The following DEPTOR variants were observed in gnomAD, a reference collection of about 807,000 sequenced individuals.
The protein encoded by DEPTOR is DEP domain containing MTOR interacting protein, also known as DEP domain-containing mTOR-interacting protein.
In DEPTOR, 41 loss-of-function variants were observed where a neutral mutation model predicts 41.6. That is an observed-to-expected ratio of 0.98 (90% CI 0.77 to 1.28). The LOEUF (loss-of-function observed/expected upper bound fraction) is 1.28, where lower values mean the gene tolerates loss of function less well. Among genes scored for constraint, DEPTOR ranks in the 50% most tolerant of loss-of-function variants. The pLI is 0.00. For missense variants in DEPTOR, 514 were observed against 527.9 expected, an observed-to-expected ratio of 0.97 and a Z score of 0.26; for synonymous variants, 195 against 192.3, an observed-to-expected ratio of 1.01 and a Z score of -0.12.
At position 119,965,439 on chromosome 8, in the gene DEPTOR, G is replaced by A. The variant is rs558422721; in HGVS notation, c.604+29G>A. 137 of 1,600,028 alleles carry A rather than the reference G, an allele frequency of 8.6e-5. 2 individuals are homozygous for A. The South Asian group carries it at 1.4e-3, about 16-fold the overall frequency. ...AGCGTATTGGGCAGCTTTTGCTGCA[G>A]GAACAAACAGCCAGCCCCAAATCTT... On this transcript the variant is annotated intron_variant, in intron 4 of 8. Transcript: ENST00000286234.
Position 120,050,651 on chromosome 8 carries a change from A to G in DEPTOR, c.*947A>G, listed in dbSNP as rs1394669750. ...TTCTAGTGTAACATATTCTAAGGAC[A>G]TGACATGCTGCTTATTTGGGGGGAT... is the stretch of plus-strand genomic sequence containing the variant. On this transcript the variant is annotated 3_prime_UTR_variant, in exon 9 of 9. Transcript: ENST00000286234. The G allele has an allele frequency of 3.3e-5, 5 of 152,150 alleles. No homozygotes were observed. Among genetic ancestry groups the G allele is most frequent in the African/African-American group, 9.7e-5 (4 of 41,440 alleles). The allele number at this position is 152,150 out of a possible 1,614,324, so 9.4% of individuals were successfully genotyped here.
intron 8 of DEPTOR, 90 bp downstream of exon 8, chr8:120,009,223 A>T: frequency 8.8e-6 from 10 of 1,136,254 alleles, no homozygotes; most frequent in South Asian, 1.5e-5. Context: ...ATCCAAACCC[A>T]TCTTATTTTG....
chr8:120,035,147 G>A (rs1812961217), intron 8 of DEPTOR, among the ~76,000 whole-genome samples: 1 of 151,968 alleles, frequency 6.6e-6, no homozygotes, highest in Admixed American at 6.6e-5. Flanking sequence ...GCAAAACCCT[G>A]TCTCTACAAA....
At chr8:119,988,579 T>G (rs932662862) in intron 4 of DEPTOR, among the ~76,000 whole-genome samples, 1 of 152,066 alleles carries the variant, frequency 6.6e-6, no homozygotes, top group African/African-American at 2.4e-5. Context: ...GCCTCCTAGG[T>G]TCAAGTGATT....
chr8:119,910,004 G>T (rs1827717057), intron 1 of DEPTOR, among the ~76,000 whole-genome samples: 1 of 152,184 alleles, frequency 6.6e-6, no homozygotes, highest in Non-Finnish European at 1.5e-5. Flanking sequence ...CTTGGCTGTT[G>T]ATAATGGCTT....
chr8:119,932,213 G>C (rs1828053131), intron 3 of DEPTOR, among the ~76,000 whole-genome samples: 1 of 151,850 alleles, frequency 6.6e-6, no homozygotes, highest in Admixed American at 6.6e-5. Context: ...TCAAACTCTG[G>C]TCCTCAAGTG....
At chr8:120,036,551 CT>C (rs887003934) in intron 8 of DEPTOR, among the ~76,000 whole-genome samples, 1 of 151,678 alleles carries the variant, frequency 6.6e-6, no homozygotes, top group Non-Finnish European at 1.5e-5. Context: ...TTTTCTTCTA[CT>C]TTTTTTTTCT....
At position 119,934,259 on chromosome 8, in the gene DEPTOR, C is replaced by T. The variant is rs142711162; in HGVS notation, c.425+4321C>T. 4.9e-4 allele frequency among the ~76,000 whole-genome samples: 75 copies of T among 152,308 alleles called. 1 individual carries two copies. The highest frequency in any genetic ancestry group is 1.5e-3 in the African/African-American group (61 of 41,578). Reference sequence around the variant, plus strand: ...AGGATAAACCCAGGTCTCAAAACTACAATTTCAGTAACTCTGCTGGCTCTT... The same window carrying T: ...AGGATAAACCCAGGTCTCAAAACTATAATTTCAGTAACTCTGCTGGCTCTT... On this transcript the variant is annotated intron_variant, in intron 3 of 8. Coordinates refer to ENST00000286234, the MANE Select transcript of DEPTOR (RefSeq NM_022783.4).
chr8:119,916,273 T>G (rs1043799376), intron 1 of DEPTOR, among the ~76,000 whole-genome samples: 1,480 of 40,482 alleles, frequency 0.037, 29 homozygotes, highest in East Asian at 0.16. Flanking sequence ...CTAATTTTTT[T>G]TTTTTTTTTT....
intron 4 of DEPTOR, among the ~76,000 whole-genome samples, chr8:119,977,263 A>G (rs547700524): frequency 8.5e-5 from 13 of 152,274 alleles, no homozygotes; most frequent in Non-Finnish European, 1.8e-4. Flanking sequence ...CTAGCCTCCC[A>G]AAGTATTGGA....
chr8:119,919,021 C>T (rs1827856725), intron 1 of DEPTOR, among the ~76,000 whole-genome samples: 1 of 151,754 alleles, frequency 6.6e-6, no homozygotes, highest in Non-Finnish European at 1.5e-5. Context: ...TACAGAATCA[C>T]CTGTGCTCTG....
chr8:119,984,886 C>G (rs974596119), intron 4 of DEPTOR, among the ~76,000 whole-genome samples: 1 of 152,060 alleles, frequency 6.6e-6, no homozygotes, highest in African/African-American at 2.4e-5. Context: ...CTCCCACCAA[C>G]AGTATAGAAG....
At chr8:119,924,084 C>T (rs1311535255) in intron 1 of DEPTOR, among the ~76,000 whole-genome samples, 2 of 152,092 alleles carry the variant, frequency 1.3e-5, no homozygotes, top group African/African-American at 4.8e-5. Flanking sequence ...GTCATTTTCC[C>T]CTCTGAGCTA....
At chr8:120,016,344 G>A (rs1361104056) in intron 8 of DEPTOR, among the ~76,000 whole-genome samples, 1 of 151,728 alleles carries the variant, frequency 6.6e-6, no homozygotes, top group Non-Finnish European at 1.5e-5. Flanking sequence ...TGTTGCCCAG[G>A]CTGAAGTGTA....
chr8:119,881,691 A>G (rs1052316725), intron 1 of DEPTOR, among the ~76,000 whole-genome samples: 3 of 152,156 alleles, frequency 2.0e-5, no homozygotes, highest in Admixed American at 2.0e-4. Context: ...TGGTATAAGA[A>G]TATCTTAGGG....
At chr8:119,951,653 A>G (rs993464720) in intron 3 of DEPTOR, among the ~76,000 whole-genome samples, 1 of 152,032 alleles carries the variant, frequency 6.6e-6, no homozygotes, top group Non-Finnish European at 1.5e-5. Flanking sequence ...AACAAATAAC[A>G]CCCTCCATTA....
intron 3 of DEPTOR, among the ~76,000 whole-genome samples, chr8:119,930,374 C>T (rs1371645862): frequency 6.6e-6 from 1 of 151,990 alleles, no homozygotes; most frequent in African/African-American, 2.4e-5. Flanking sequence ...GTAGCTGGGA[C>T]TACAGGCATG....
chr8:120,041,993 G>A (rs546517619), intron 8 of DEPTOR, among the ~76,000 whole-genome samples: 1 of 151,934 alleles, frequency 6.6e-6, no homozygotes, highest in Non-Finnish European at 1.5e-5. Context: ...TGGGAGATGA[G>A]TTACAGAGCA....
chr8:119,939,667 G>T (rs967987885), intron 3 of DEPTOR, among the ~76,000 whole-genome samples: 17 of 152,108 alleles, frequency 1.1e-4, no homozygotes, highest in African/African-American at 3.9e-4. Context: ...TAGAGGTGGG[G>T]TTTTGCCATG....
Sources: allele counts gnomAD v4.1 joint callset (sites outside exome capture counted in the v4.1 genomes callset), GRCh38; gene constraint gnomAD v4.1.1; transcripts MANE v1.5; gene names NCBI Gene and HGNC (gene_info 2026-07-23, HGNC 2026-07-21).